Variants in LRRC72 observed in about 807,000 individuals in gnomAD.
LRRC72 encodes leucine rich repeat containing 72.
In LRRC72, 41 loss-of-function variants were observed where a neutral mutation model predicts 35.8. The ratio of observed to expected loss-of-function variants is 1.15; its 90% confidence interval spans 0.89 to 1.49. LRRC72 has a LOEUF of 1.49. Among genes scored for constraint, LRRC72 ranks in the 40% most tolerant of loss-of-function variants. The pLI, the probability that LRRC72 is intolerant of heterozygous loss-of-function variation, is 0.00. For missense variants in LRRC72, 389 were observed against 330.7 expected (o/e 1.18, Z -1.37); for synonymous variants, 118 against 119.2 (o/e 0.99, Z 0.07).
chr7:16,546,400 G>A (rs369466977), intron 3 of LRRC72, among the ~76,000 whole-genome samples: 40 of 151,752 alleles, frequency 2.6e-4, no homozygotes, highest in African/African-American at 5.1e-4. Context: ...CAGCATCCTC[G>A]GCCTCTACCC....
At position 16,537,701 on chromosome 7, in the gene LRRC72, T is replaced by A. The variant is rs754666345; in HGVS notation, c.234+5T>A. On this transcript the variant is annotated splice_donor_5th_base_variant and intron_variant, in intron 3 of 8. Transcript: ENST00000401542. Reference sequence around the variant, plus strand: ...TTATGGCTTCATCATAACAAGGTAGTGTTTTATTTTATCTTTCAATTACTA... The same window carrying A: ...TTATGGCTTCATCATAACAAGGTAGAGTTTTATTTTATCTTTCAATTACTA... 1 of 1,400,050 alleles carries A rather than the reference T, an allele frequency of 7.1e-7. No homozygotes were observed. The allele number at this position is 1,400,050 out of a possible 1,614,324, so 86.7% of individuals were successfully genotyped here.
In LRRC72 at chr7:16,566,628, C is replaced by G. The variant is rs182454063; in HGVS notation, c.517+226C>G. ...CTCTTTACTACTTTATTAGAAAGGC[C>G]CTCTAACTGAGCTGAGGAAAGTATT... On this transcript the variant is annotated intron_variant, in intron 6 of 8. Transcript: ENST00000401542. 3.5e-4 allele frequency among the ~76,000 whole-genome samples: 53 copies of G among 152,024 alleles called. No individual in the cohort carries two copies. The East Asian group carries it at 8.1e-3, about 23-fold the overall frequency.
At chr7:16,541,075 A>T (rs549650734) in intron 3 of LRRC72, among the ~76,000 whole-genome samples, 2 of 152,092 alleles carry the variant, frequency 1.3e-5, no homozygotes, top group East Asian at 3.9e-4. Flanking sequence ...GTGTTCTCCC[A>T]CCCCTCCCTC....
intron 7 of LRRC72, among the ~76,000 whole-genome samples, chr7:16,568,338 G>A (rs146831926): frequency 8.5e-5 from 13 of 152,150 alleles, no homozygotes; most frequent in Middle Eastern, 6.8e-3. Flanking sequence ...ATGACACTTC[G>A]CCAAAGAGAC....
chr7:16,560,814 G>A (rs1191164931), intron 5 of LRRC72, among the ~76,000 whole-genome samples: 2 of 151,872 alleles, frequency 1.3e-5, no homozygotes, highest in Non-Finnish European at 2.9e-5. Flanking sequence ...GAAATAAATT[G>A]CATCCAGTCT....
intron 2 of LRRC72, among the ~76,000 whole-genome samples, chr7:16,534,707 C>A (rs916408478): frequency 6.6e-5 from 10 of 151,952 alleles, no homozygotes; most frequent in Non-Finnish European, 1.5e-4. Context: ...CTGAGTGGGG[C>A]ATGAGATACT....
At chr7:16,576,350 T>A (rs954789301) in intron 7 of LRRC72, among the ~76,000 whole-genome samples, 1 of 152,338 alleles carries the variant, frequency 6.6e-6, no homozygotes, top group Admixed American at 6.5e-5. Context: ...AGAGTAATTC[T>A]AAGAGAAATA....
Position 16,539,121 on chromosome 7 carries a change from G to A in LRRC72, c.234+1425G>A, listed in dbSNP as rs150886494. 1.8e-3 allele frequency among the ~76,000 whole-genome samples: 278 copies of A among 152,352 alleles called. 1 individual carries two copies. Among genetic ancestry groups the A allele is most frequent in the African/African-American group, 6.5e-3 (269 of 41,576 alleles). ...GAAGAAGACAGGAAGACATGGGAAA[G>A]TTTGGAACTTCCTAGAGACTTGTTG... On this transcript the variant is annotated intron_variant, in intron 3 of 8. Coordinates refer to ENST00000401542, the MANE Select transcript of LRRC72 (RefSeq NM_001195280.2).
At chr7:16,576,107 C>T (rs1783035799) in intron 7 of LRRC72, among the ~76,000 whole-genome samples, 1 of 152,050 alleles carries the variant, frequency 6.6e-6, no homozygotes, top group African/African-American at 2.4e-5. Context: ...ATCGATAGGA[C>T]AATTATTATA....
At chr7:16,578,172 A>G in intron 7 of LRRC72, among the ~76,000 whole-genome samples, 1 of 152,256 alleles carries the variant, frequency 6.6e-6, no homozygotes. Flanking sequence ...GCACATTTGT[A>G]TAATACAAAC....
chr7:16,566,236 A>ATT lies in LRRC72; in HGVS notation c.428-72_428-71dup, dbSNP rs11463350. The ATT allele has an allele frequency of 5.6e-4, 472 of 844,600 alleles. 3 individuals carry two copies. The African/African-American group carries it at 6.7e-3, about 12-fold the overall frequency. The allele number at this position is 844,600 out of a possible 1,614,324, so 52.3% of individuals were successfully genotyped here. On this transcript the variant is annotated intron_variant, in intron 5 of 8. Transcript: ENST00000401542. The stretch of plus-strand genomic sequence containing the variant: ...TCTTATGTTTTATACGAATCTCTTA[A>ATT]TTTTTTGTATTTTATAAGTGATAAG...
At chr7:16,576,517 C>G (rs1410008374) in intron 7 of LRRC72, among the ~76,000 whole-genome samples, 1 of 152,002 alleles carries the variant, frequency 6.6e-6, no homozygotes, top group Non-Finnish European at 1.5e-5. Context: ...TCTTCAAGTC[C>G]CATCTATCAG....
At chr7:16,532,865 A>G (rs1782192670) in intron 2 of LRRC72, 4 of 414,350 alleles carry the variant, frequency 9.7e-6, no homozygotes, top group Middle Eastern at 7.7e-4. Flanking sequence ...GATTTAACAA[A>G]TAAGTATATA....
chr7:16,568,642 A>G (rs1318709620), intron 7 of LRRC72, among the ~76,000 whole-genome samples: 2 of 152,226 alleles, frequency 1.3e-5, no homozygotes, highest in Non-Finnish European at 2.9e-5. Context: ...TGACCAGACA[A>G]TTACCAGAAT....
chr7:16,531,894 T>C (rs1300643292), intron 1 of LRRC72, among the ~76,000 whole-genome samples: 1 of 152,216 alleles, frequency 6.6e-6, no homozygotes, highest in Non-Finnish European at 1.5e-5. Flanking sequence ...AGCATGAGTA[T>C]GTTAGCAACT....
At chr7:16,540,160 G>A (rs1782332325) in intron 3 of LRRC72, among the ~76,000 whole-genome samples, 1 of 152,216 alleles carries the variant, frequency 6.6e-6, no homozygotes, top group Non-Finnish European at 1.5e-5. Flanking sequence ...CACAGGGGCA[G>A]AGCTGCCCAA....
chr7:16,539,097 A>T (rs1045939707), intron 3 of LRRC72, among the ~76,000 whole-genome samples: 2 of 152,202 alleles, frequency 1.3e-5, no homozygotes, highest in Non-Finnish European at 2.9e-5. Context: ...GAGGGCTCAG[A>T]AGAAGACAGG....
rs1474018594 is a variant in LRRC72, at chr7:16,567,483, G to C, written c.610G>C (p.Asp204His). Reference sequence around the variant, plus strand: ...ATCAATAGCATTCGGAGGAAAAGTGGATGCTTCATGGGATCCTAAATCACC... The same window carrying C: ...ATCAATAGCATTCGGAGGAAAAGTGCATGCTTCATGGGATCCTAAATCACC... Reference protein sequence around the residue: ...VQSIAFGGKVDASWDPKSPFK... With the variant: ...VQSIAFGGKVHASWDPKSPFK... The change falls in exon 7 of 9, where the codon GAT becomes CAT. Residue 204 changes from aspartate (D) to histidine (H), a missense_variant. Physicochemically the swap from Asp to His is moderately conservative, Grantham distance 81. Coordinates refer to ENST00000401542, the MANE Select transcript of LRRC72 (RefSeq NM_001195280.2). 2.0e-6 allele frequency: 3 copies of C among 1,528,920 alleles called. No individual in the cohort carries two copies. The highest frequency in any genetic ancestry group is 2.5e-5 in the East Asian group (1 of 40,308). The allele number at this position is 1,528,920 out of a possible 1,614,324, so 94.7% of individuals were successfully genotyped here.
chr7:16,556,230 T>C (rs1416299324), intron 3 of LRRC72, among the ~76,000 whole-genome samples: 1 of 152,202 alleles, frequency 6.6e-6, no homozygotes, highest in Non-Finnish European at 1.5e-5. Context: ...GGAATTTTGA[T>C]TCTAACCTTA....
Sources: gnomAD v4.1 joint callset for allele counts (sites outside exome capture counted in the v4.1 genomes callset) on GRCh38, gnomAD v4.1.1 for gene constraint, MANE v1.5 for transcripts, NCBI Gene and HGNC (gene_info 2026-07-23, HGNC 2026-07-21) for gene names.